Variants in NBEA observed in about 807,000 individuals in gnomAD.
The protein encoded by NBEA is lysosomal-trafficking regulator 2.
Under a neutral mutation model 343.4 loss-of-function variants are expected in NBEA, and 44 were observed. The observed-to-expected ratio is 0.13, with a 90% CI of 0.10 to 0.16. The LOEUF (loss-of-function observed/expected upper bound fraction) is 0.16, where lower values mean the gene tolerates loss of function less well. Ranked by LOEUF, NBEA falls within the 10% of genes least tolerant of loss-of-function variation. The pLI is 1.00. For missense variants in NBEA, 2,555 were observed against 3,631.3 expected, an observed-to-expected ratio of 0.70 and a Z score of 7.62; for synonymous variants, 1,175 against 1,238.7, an observed-to-expected ratio of 0.95 and a Z score of 1.08.
At chr13:35,614,670 C>T (rs2082658610) in intron 48 of NBEA, among the ~76,000 whole-genome samples, 1 of 152,168 alleles carries the variant, frequency 6.6e-6, no homozygotes, top group Non-Finnish European at 1.5e-5. Context: ...AGTGACAAAA[C>T]CATCCTTAGT....
chr13:34,973,250 G>A (rs943416248), intron 1 of NBEA, among the ~76,000 whole-genome samples: 1 of 152,064 alleles, frequency 6.6e-6, no homozygotes, highest in African/African-American at 2.4e-5. Flanking sequence ...ATCCTGACTG[G>A]CAGGTCTTGC....
chr13:35,343,209 A>G (rs1033991376), intron 36 of NBEA, among the ~76,000 whole-genome samples: 1 of 152,082 alleles, frequency 6.6e-6, no homozygotes, highest in Admixed American at 6.6e-5. Context: ...CTACCATCCT[A>G]AATTCATGTA....
rs563559232 is a variant in NBEA at position 35,007,931 on chromosome 13, A to G, written c.295-33002A>G. Among the ~76,000 whole-genome samples the G allele has an allele frequency of 1.4e-4, 22 of 152,220 alleles. No homozygotes were observed. The South Asian group carries it at 4.1e-3, about 29-fold the overall frequency. ...CTTTCCTTAGCTTTTATTCACTTCT[A>G]ATCATTTAGTATGGCTGGCTATTTT... On this transcript the variant is annotated intron_variant, in intron 1 of 58. Coordinates refer to ENST00000379939, the MANE Select transcript of NBEA (RefSeq NM_001385012.1).
intron 1 of NBEA, among the ~76,000 whole-genome samples, chr13:34,944,592 G>GTTGATATAACC (rs1198274082): frequency 1.3e-5 from 2 of 152,132 alleles, no homozygotes; most frequent in African/African-American, 4.8e-5. Context: ...GTTCTTTTCA[G>GTTGATATAACC]AACACTACTA....
chr13:35,502,366 G>A (rs1179138033), intron 41 of NBEA, among the ~76,000 whole-genome samples: 1 of 152,064 alleles, frequency 6.6e-6, no homozygotes, highest in African/African-American at 2.4e-5. Flanking sequence ...GTAGAAAAGG[G>A]CATCTGGAAG....
At chr13:35,157,861 A>C (rs926909764) in intron 21 of NBEA, among the ~76,000 whole-genome samples, 1 of 152,144 alleles carries the variant, frequency 6.6e-6, no homozygotes, top group Non-Finnish European at 1.5e-5. Flanking sequence ...TAGAAGAAGC[A>C]TGGGTGTCAG....
intron 33 of NBEA, among the ~76,000 whole-genome samples, chr13:35,216,709 T>C (rs1003016069): frequency 1.3e-5 from 2 of 152,028 alleles, no homozygotes; most frequent in Admixed American, 1.3e-4. Flanking sequence ...TGCCATGCAA[T>C]CCATTCAAAT....
chr13:35,439,876 AT>A (rs983097825), intron 39 of NBEA, among the ~76,000 whole-genome samples: 1 of 151,442 alleles, frequency 6.6e-6, no homozygotes, highest in Non-Finnish European at 1.5e-5. Context: ...TACTTGATTG[AT>A]TTTTTTTGTT....
At chr13:34,964,607 G>A (rs2059761894) in intron 1 of NBEA, among the ~76,000 whole-genome samples, 1 of 152,002 alleles carries the variant, frequency 6.6e-6, no homozygotes, top group African/African-American at 2.4e-5. Context: ...ACTATTGAGA[G>A]TGATGTTGGG....
At chr13:35,273,691 G>A (rs181275816) in intron 34 of NBEA, among the ~76,000 whole-genome samples, 14 of 152,204 alleles carry the variant, frequency 9.2e-5, no homozygotes, top group South Asian at 2.1e-4. Flanking sequence ...TATCACCACC[G>A]TTCCTGCAGA....
At chr13:35,395,157 A>G (rs926245002) in intron 38 of NBEA, among the ~76,000 whole-genome samples, 2 of 152,050 alleles carry the variant, frequency 1.3e-5, no homozygotes, top group African/African-American at 4.8e-5. Flanking sequence ...GTTTTAGGAC[A>G]CATTATATAT....
chr13:35,493,860 A>G (rs1481541146), intron 41 of NBEA, among the ~76,000 whole-genome samples: 1 of 151,942 alleles, frequency 6.6e-6, no homozygotes, highest in African/African-American at 2.4e-5. Context: ...TGTGCAACAT[A>G]TACCTTCCTG....
intron 36 of NBEA, among the ~76,000 whole-genome samples, chr13:35,323,983 A>G (rs2038361971): frequency 6.6e-6 from 1 of 152,186 alleles, no homozygotes; most frequent in African/African-American, 2.4e-5. Context: ...GATGTACATA[A>G]TCTGTGCCTT....
chr13:35,041,023 G>C lies in NBEA; in HGVS notation c.385G>C (p.Asp129His). The stretch of plus-strand genomic sequence containing the variant: ...TATGACAGAGCTTTTGGAGCACTGT[G>C]ATGTAACATGTCAAGCAGAAATATG... Reference protein sequence around the residue: ...TCMTELLEHCDVTCQAEIWSM... With the variant: ...TCMTELLEHCHVTCQAEIWSM... The change falls in exon 2 of 59, where the codon GAT becomes CAT. Residue 129 changes from aspartate (D) to histidine (H), a missense_variant. Physicochemically the swap from Asp to His is moderately conservative, Grantham distance 81. This residue lies in a region of NBEA where 185 missense variants were observed against 290.6 expected (regional missense o/e 0.64). Coordinates refer to ENST00000379939, the MANE Select transcript of NBEA (RefSeq NM_001385012.1). 1 of 1,613,160 alleles carries C rather than the reference G, an allele frequency of 6.2e-7. No homozygotes were observed. The highest frequency in any genetic ancestry group is 1.1e-5 in the South Asian group (1 of 91,062).
chr13:35,533,403 A>G (rs1308448908), intron 41 of NBEA, among the ~76,000 whole-genome samples: 2 of 152,182 alleles, frequency 1.3e-5, no homozygotes, highest in Non-Finnish European at 2.9e-5. Context: ...ATTAGTTAAC[A>G]TAAAAATTTA....
At chr13:35,031,538 A>G (rs1453306736) in intron 1 of NBEA, among the ~76,000 whole-genome samples, 1 of 151,404 alleles carries the variant, frequency 6.6e-6, no homozygotes, top group Non-Finnish European at 1.5e-5. Context: ...GTGGTTAGAG[A>G]ACTGATAATT....
intron 1 of NBEA, among the ~76,000 whole-genome samples, chr13:35,009,349 T>C (rs1023836891): frequency 1.1e-4 from 16 of 152,248 alleles, no homozygotes; most frequent in African/African-American, 3.8e-4. Context: ...CAGGGAAAGA[T>C]AGAATGAGTT....
At chr13:35,648,874 G>T (rs2084375583) in intron 51 of NBEA, among the ~76,000 whole-genome samples, 1 of 148,180 alleles carries the variant, frequency 6.7e-6, no homozygotes, top group Non-Finnish European at 1.5e-5. Context: ...GGTGGGGGTG[G>T]TGGGAGGGGA....
At chr13:35,039,904 T>C (rs1387833668) in intron 1 of NBEA, among the ~76,000 whole-genome samples, 1 of 152,170 alleles carries the variant, frequency 6.6e-6, no homozygotes, top group East Asian at 1.9e-4. Context: ...CAATGTTTTT[T>C]GGAATAAAGT....
Sources: allele counts gnomAD v4.1 joint callset (sites outside exome capture counted in the v4.1 genomes callset), GRCh38; gene constraint gnomAD v4.1.1; regional missense constraint gnomAD v4.1.1; transcripts MANE v1.5; gene names NCBI Gene and HGNC (gene_info 2026-07-23, HGNC 2026-07-21).